UBE2H: variants seen among roughly 807,000 people sequenced by gnomAD.
UBE2H encodes ubiquitin conjugating enzyme E2 H, also known as ubiquitin-conjugating enzyme E2 H.
A neutral mutation model predicts 29.0 loss-of-function variants in UBE2H; 3 were observed. That is an observed-to-expected ratio of 0.10 (90% CI 0.05 to 0.27). UBE2H has a LOEUF of 0.27. UBE2H is among the 10% of genes least tolerant of loss of function. The pLI, the probability that UBE2H is intolerant of heterozygous loss-of-function variation, is 1.00. For synonymous variants in UBE2H, 69 were observed against 82.9 expected (o/e 0.83, Z 0.91); for missense variants, 68 against 228.2 (o/e 0.30, Z 4.52).
chr7:129,948,241 A>T (rs927439389), intron 1 of UBE2H, among the ~76,000 whole-genome samples: 154 of 151,426 alleles, frequency 1.0e-3, no homozygotes, highest in Non-Finnish European at 5.9e-5. Flanking sequence ...CTGGACCCTC[A>T]AACTCCTACA....
At chr7:129,843,361 G>A (rs1168250150) in intron 5 of UBE2H, among the ~76,000 whole-genome samples, 3 of 151,772 alleles carry the variant, frequency 2.0e-5, no homozygotes, top group African/African-American at 7.3e-5. Flanking sequence ...CTACAAGCAA[G>A]GAACTCTTCC....
intron 1 of UBE2H, among the ~76,000 whole-genome samples, chr7:129,889,802 A>G (rs545888240): frequency 6.6e-6 from 1 of 152,230 alleles, no homozygotes; most frequent in African/African-American, 2.4e-5. Context: ...TGGGCAACAT[A>G]ACAAAACCCA....
At position 129,880,806 on chromosome 7, in the gene UBE2H, T is replaced by G. The variant is rs148566958; in HGVS notation, c.130+89A>C. 5.8e-4 allele frequency: 708 copies of G among 1,212,536 alleles called. 4 individuals are homozygous for G. In the East Asian group the frequency reaches 0.017, roughly 30 times the overall value. 75.1% of individuals were successfully genotyped at this position (1,212,536 alleles called of 1,614,324 possible). On this transcript the variant is annotated intron_variant, in intron 2 of 6. Coordinates refer to ENST00000355621, the MANE Select transcript of UBE2H (RefSeq NM_003344.4). ...CCAACTAAACTTGCTTTTCAGAAAC[T>G]ACGCATGCTACCATCTGTCTTTGAT...
intron 6 of UBE2H, among the ~76,000 whole-genome samples, chr7:129,838,084 G>A (rs1805363607): frequency 6.6e-6 from 1 of 152,164 alleles, no homozygotes; most frequent in Admixed American, 6.5e-5. Flanking sequence ...CACTTTATCT[G>A]GCTGAAACTG....
chr7:129,903,614 T>C (rs186504820), intron 1 of UBE2H, among the ~76,000 whole-genome samples: 131 of 152,162 alleles, frequency 8.6e-4, no homozygotes, highest in African/African-American at 3.1e-3. Flanking sequence ...ATTTTAAAAC[T>C]ATGGCTGCAT....
At chr7:129,929,085 G>A (rs576048711) in intron 1 of UBE2H, among the ~76,000 whole-genome samples, 4 of 152,122 alleles carry the variant, frequency 2.6e-5, no homozygotes, top group East Asian at 1.9e-4. Context: ...TTGGGAGGCC[G>A]AGGCAGGCGG....
chr7:129,886,957 G>A (rs1166366824), intron 1 of UBE2H, among the ~76,000 whole-genome samples: 1 of 152,014 alleles, frequency 6.6e-6, no homozygotes, highest in Non-Finnish European at 1.5e-5. Context: ...GGTAGAAGAG[G>A]TGTAGAAGAA....
At position 129,860,387 on chromosome 7, in the gene UBE2H, T is replaced by C. The variant is rs368062697; in HGVS notation, c.206-1446A>G. ...AATTTTTCATTAAGGAAATTAAAGA[T>C]GTTTCAAAGTCTAGATTTAAGAAGC... is the stretch of plus-strand genomic sequence containing the variant. On this transcript the variant is annotated intron_variant, in intron 3 of 6. Transcript: ENST00000355621. Among the ~76,000 whole-genome samples, 5 of 152,388 alleles carry C rather than the reference T, an allele frequency of 3.3e-5. No homozygotes were observed. The East Asian group carries it at 9.6e-4, about 29-fold the overall frequency.
In UBE2H at chr7:129,891,953, C is replaced by CTTTTTTTTT. The variant is rs753851134; in HGVS notation, c.54-10991_54-10983dup. 2.6e-4 allele frequency among the ~76,000 whole-genome samples: 33 copies of CTTTTTTTTT among 127,138 alleles called. 2 individuals are homozygous for CTTTTTTTTT. Among genetic ancestry groups the CTTTTTTTTT allele is most frequent in the African/African-American group, 5.8e-4 (20 of 34,552 alleles). 83.4% of individuals were successfully genotyped at this position (127,138 alleles called of 152,430 possible). Reference sequence around the variant, plus strand: ...AGAATACTAAAAAAACATGCTACACCTTTTTTTTTTTTTTTTTGAGACGGA... The same window carrying CTTTTTTTTT: ...AGAATACTAAAAAAACATGCTACACCTTTTTTTTTTTTTTTTTTTTTTTTTTGAGACGGA... On this transcript the variant is annotated intron_variant, in intron 1 of 6. Transcript: ENST00000355621.
At chr7:129,838,878 C>G (rs944810025) in intron 6 of UBE2H, among the ~76,000 whole-genome samples, 1 of 152,190 alleles carries the variant, frequency 6.6e-6, no homozygotes, top group Non-Finnish European at 1.5e-5. Flanking sequence ...ACCTTGTGAT[C>G]CGCCTGCCTC....
At chr7:129,940,699 G>C (rs779023541) in intron 1 of UBE2H, among the ~76,000 whole-genome samples, 7 of 152,136 alleles carry the variant, frequency 4.6e-5, no homozygotes, top group Non-Finnish European at 7.4e-5. Context: ...TGAGGATTTG[G>C]GTTCTACTGG....
chr7:129,854,060 G>GGTTTTTTTTTTTTTTTTTATTTTTTTT (rs1554430936), intron 5 of UBE2H, among the ~76,000 whole-genome samples: 4 of 100,312 alleles, frequency 4.0e-5, no homozygotes, highest in African/African-American at 4.0e-5. Context: ...TTTAGTGTTA[G>GGTTTTTTTTTTTTTTTTTATTTTTTTT]TTTTTTTTTT....
intron 3 of UBE2H, among the ~76,000 whole-genome samples, chr7:129,867,724 C>CAAAAAAAAAAAAAAAAAA (rs1473451530): frequency 1.3e-4 from 4 of 31,198 alleles, no homozygotes; most frequent in Non-Finnish European, 2.3e-4. Flanking sequence ...AAAAGAAAAC[C>CAAAAAAAAAAAAAAAAAA]AAAAAAAAAA....
intron 5 of UBE2H, among the ~76,000 whole-genome samples, chr7:129,843,353 A>G (rs942517862): frequency 4.1e-5 from 6 of 145,498 alleles, no homozygotes; most frequent in Non-Finnish European, 6.0e-5. Flanking sequence ...AGTGCTTACT[A>G]CAAGCAAGGA....
intron 5 of UBE2H, chr7:129,857,258 CAT>C (rs1805723137): frequency 1.4e-5 from 7 of 503,312 alleles, no homozygotes; most frequent in South Asian, 9.1e-5. Context: ...CGCATGTACT[CAT>C]GTGTGTGCAC....
chr7:129,928,565 T>C (rs1202179212), intron 1 of UBE2H, among the ~76,000 whole-genome samples: 1 of 152,218 alleles, frequency 6.6e-6, no homozygotes, highest in African/African-American at 2.4e-5. Flanking sequence ...ATTGCACCAA[T>C]GCACTCCAGC....
chr7:129,857,631 A>C, intron 4 of UBE2H, 68 bp from the exon 5 acceptor site: 1 of 1,503,166 alleles, frequency 6.7e-7, no homozygotes, highest in Non-Finnish European at 9.1e-7. Context: ...TCTGGCAACT[A>C]ATTTTTACTT....
chr7:129,944,349 C>T (rs1256029043), intron 1 of UBE2H, among the ~76,000 whole-genome samples: 1 of 150,050 alleles, frequency 6.7e-6, no homozygotes, highest in African/African-American at 2.4e-5. Context: ...AGCGAAGACT[C>T]CGTCTCAAAA....
intron 3 of UBE2H, among the ~76,000 whole-genome samples, chr7:129,873,882 C>T (rs1209580224): frequency 6.6e-6 from 1 of 152,172 alleles, no homozygotes; most frequent in African/African-American, 2.4e-5. Flanking sequence ...CATCAAATTG[C>T]AACCCAGAGG....
Sources: gnomAD v4.1 joint callset for allele counts (sites outside exome capture counted in the v4.1 genomes callset) on GRCh38, gnomAD v4.1.1 for gene constraint, MANE v1.5 for transcripts, NCBI Gene and HGNC (gene_info 2026-07-23, HGNC 2026-07-21) for gene names.